The following THOC5 variants were observed in gnomAD, a reference collection of about 807,000 sequenced individuals.
THOC5 encodes the protein THO complex subunit 5.
A neutral mutation model predicts 92.9 loss-of-function variants in THOC5; 43 were observed. The ratio of observed to expected loss-of-function variants is 0.46; its 90% CI spans 0.36 to 0.60. The LOEUF (loss-of-function observed/expected upper bound fraction) is 0.60, where lower values mean the gene tolerates loss of function less well. THOC5 is among the 20% of genes least tolerant of loss of function. The probability of loss-of-function intolerance (pLI) is 0.00; values close to 1 mark genes in which losing one functional copy is unlikely to be tolerated. For missense variants in THOC5, 659 were observed against 849.4 expected, an observed-to-expected ratio of 0.78 and a Z score of 2.79; for synonymous variants, 296 against 320.1, an observed-to-expected ratio of 0.92 and a Z score of 0.80.
At chr22:29,543,946 A>C (rs2063957184) in intron 3 of THOC5, among the ~76,000 whole-genome samples, 1 of 152,220 alleles carries the variant, frequency 6.6e-6, no homozygotes, top group South Asian at 2.1e-4. Context: ...GATTGAATGC[A>C]ATAATTCTAA....
At chr22:29,513,893 C>T (rs1335160547) in intron 17 of THOC5, 1 of 151,868 alleles carries the variant, frequency 6.6e-6, no homozygotes, top group Admixed American at 6.6e-5. Context: ...TTCTCTGCTG[C>T]TGTATTGCTT....
rs1230185078 is a variant in THOC5 at position 29,552,438 on chromosome 22, C to T, written c.-12+1233G>A. 4.6e-5 allele frequency among the ~76,000 whole-genome samples: 7 copies of T among 151,672 alleles called. No homozygotes were observed. The East Asian group carries it at 7.8e-4, about 17-fold the overall frequency. On this transcript the variant is annotated intron_variant, in intron 1 of 19. Coordinates refer to ENST00000490103, the MANE Select transcript of THOC5 (RefSeq NM_003678.5). ...GAGGAGCACCTCTGCCCGGCTGCGA[C>T]CCCGTCTGGGAGGTGAGGAGCGTCT...
Position 29,526,012 on chromosome 22 carries a change from A to T in THOC5, c.1067-66T>A, listed in dbSNP as rs370422377. On this transcript the variant is annotated intron_variant, in intron 11 of 19. Transcript: ENST00000490103. ...CTCAGAGCAGAGTGAACAGAGTCAT[A>T]GGGGGTAGTAAGGTGGGGGGGTCAA... 1.5e-4 allele frequency: 126 copies of T among 862,672 alleles called. No homozygotes were observed. The African/African-American group carries it at 2.1e-3, about 14-fold the overall frequency. The allele number at this position is 862,672 out of a possible 1,614,324, so 53.4% of individuals were successfully genotyped here. A position where few individuals can be genotyped will look rare whatever the true frequency, so the allele number is the denominator to read the frequency against.
intron 14 of THOC5, among the ~76,000 whole-genome samples, 196 bp from the exon 15 acceptor site, chr22:29,519,316 G>T (rs1186393365): frequency 6.6e-6 from 1 of 152,198 alleles, no homozygotes; most frequent in East Asian, 1.9e-4. Flanking sequence ...ACAATATGCT[G>T]CGTTCTTGAG....
In THOC5 at chr22:29,547,365, C is replaced by CT. The variant is rs201993846; in HGVS notation, c.96+1686dup. ...ACCTTATTGTTCATATCATTATCAA[C>CT]TTTTTTTTTTTTCTTTGAGATGGAG... On this transcript the variant is annotated intron_variant, in intron 2 of 19. Coordinates refer to ENST00000490103, the MANE Select transcript of THOC5 (RefSeq NM_003678.5). 6.6e-3 allele frequency among the ~76,000 whole-genome samples: 974 copies of CT among 147,260 alleles called. 17 individuals are homozygous for CT. Among genetic ancestry groups the CT allele is most frequent in the East Asian group, 0.063 (321 of 5,058 alleles).
intron 2 of THOC5, among the ~76,000 whole-genome samples, chr22:29,548,401 C>G (rs1005631001): frequency 6.6e-6 from 1 of 151,938 alleles, no homozygotes; most frequent in African/African-American, 2.4e-5. Flanking sequence ...ACAAAAAATA[C>G]AAAATTAGCT....
At chr22:29,533,056 A>G (rs533537654) in intron 7 of THOC5, among the ~76,000 whole-genome samples, 1 of 152,354 alleles carries the variant, frequency 6.6e-6, no homozygotes, top group Non-Finnish European at 1.5e-5. Context: ...AAAGTCTAAA[A>G]TAAGTGGATA....
In THOC5 at chr22:29,543,509, A is replaced by T. The variant is rs750937181; in HGVS notation, c.274T>A (p.Cys92Ser). Residue 92 changes from cysteine (C) to serine (S), a missense_variant, in exon 4 of 20, where the codon TGT (cysteine) becomes AGT (serine). Coordinates refer to ENST00000490103, the MANE Select transcript of THOC5 (RefSeq NM_003678.5). Reference protein sequence around the residue: ...IEIEERRIQSCVHFMTLKKLN... With the variant: ...IEIEERRIQSSVHFMTLKKLN... Reference sequence around the variant, plus strand: ...TTCTTTAGAGTCATGAAATGCACACAGCTCTGGATCCTCCGTTCTTCTATT... The same window carrying T: ...TTCTTTAGAGTCATGAAATGCACACTGCTCTGGATCCTCCGTTCTTCTATT... The T allele has an allele frequency of 6.2e-7, 1 of 1,614,086 alleles. No homozygotes were observed. The highest frequency in any genetic ancestry group is 1.1e-5 in the South Asian group (1 of 91,064).
intron 11 of THOC5, among the ~76,000 whole-genome samples, chr22:29,526,480 A>C (rs1296672768): frequency 2.6e-5 from 4 of 151,934 alleles, no homozygotes; most frequent in East Asian, 1.9e-4. Context: ...TGCAGTGAGC[A>C]GAGATCACGC....
In THOC5 at chr22:29,519,124, T is replaced by G; in HGVS notation, c.1375-4A>C. 1.3e-6 allele frequency: 2 copies of G among 1,591,396 alleles called. No homozygotes were observed. Among genetic ancestry groups the G allele is most frequent in the East Asian group, 2.2e-5 (1 of 44,496 alleles). ...AGTGGTCAGCAATCACTGTTTGCTG[T>G]GAGTGACAATGAGACACATACACGT... On this transcript the variant is annotated splice_region_variant and splice_polypyrimidine_tract_variant and intron_variant, in intron 14 of 19. Coordinates refer to ENST00000490103, the MANE Select transcript of THOC5 (RefSeq NM_003678.5).
intron 1 of THOC5, among the ~76,000 whole-genome samples, chr22:29,552,237 C>T (rs1360054426): frequency 4.0e-5 from 6 of 151,226 alleles, no homozygotes; most frequent in Middle Eastern, 3.2e-3. Context: ...CGTCTCTGCC[C>T]GGCTGCCCAT....
In THOC5 at chr22:29,507,786, T is replaced by C. The variant is rs946602895; in HGVS notation, c.*671A>G. The stretch of plus-strand genomic sequence containing the variant: ...TATGTTAGCAGTAAGTAACTACTAA[T>C]AGCATACTACTGGTCAACAGCAGGC... On this transcript the variant is annotated 3_prime_UTR_variant, in exon 20 of 20. Transcript: ENST00000490103. The C allele has an allele frequency of 3.9e-5, 6 of 152,588 alleles. No individual in the cohort carries two copies. The highest frequency in any genetic ancestry group is 1.2e-4 in the African/African-American group (5 of 41,472). 9.5% of individuals were successfully genotyped at this position (152,588 alleles called of 1,614,324 possible).
intron 12 of THOC5, among the ~76,000 whole-genome samples, chr22:29,521,548 T>C (rs1414018566): frequency 6.6e-6 from 1 of 152,186 alleles, no homozygotes; most frequent in Non-Finnish European, 1.5e-5. Flanking sequence ...GACTCCTTTC[T>C]GCTACAGAGA....
intron 7 of THOC5, chr22:29,534,915 C>A (rs781037127): frequency 1.4e-5 from 2 of 144,358 alleles, no homozygotes; most frequent in Non-Finnish European, 3.0e-5. Context: ...GCCAAGATTG[C>A]GCCACTGCAC....
intron 9 of THOC5, chr22:29,528,940 C>T: frequency 1.8e-6 from 1 of 571,228 alleles, no homozygotes; most frequent in Non-Finnish European, 3.1e-6. Context: ...TAAATACCTT[C>T]CTCGGGGTCA....
At chr22:29,541,905 T>A (rs958698135) in intron 5 of THOC5, among the ~76,000 whole-genome samples, 39 of 76,560 alleles carry the variant, frequency 5.1e-4, no homozygotes, top group Non-Finnish European at 7.6e-4. Flanking sequence ...TATATATATA[T>A]ATATATATAT....
intron 8 of THOC5, chr22:29,531,471 C>G: frequency 9.7e-7 from 1 of 1,032,022 alleles, no homozygotes; most frequent in Non-Finnish European, 1.2e-6. Flanking sequence ...CTGTATTCAC[C>G]AGGCACCCCC....
intron 15 of THOC5, 52 bp downstream of exon 15, chr22:29,518,954 G>T: frequency 2.1e-5 from 24 of 1,129,038 alleles, no homozygotes; most frequent in Non-Finnish European, 3.1e-5. Flanking sequence ...AGTTGTTGTT[G>T]TCCGTGTGTT....
chr22:29,543,632 G>T, intron 3 of THOC5, 90 bp from the exon 4 acceptor site: 1 of 823,168 alleles, frequency 1.2e-6, no homozygotes, highest in Non-Finnish European at 1.9e-6. Context: ...CTCATCTGGG[G>T]CCAAAAACGG....
Sources: gnomAD v4.1 joint callset for allele counts (sites outside exome capture counted in the v4.1 genomes callset) on GRCh38, gnomAD v4.1.1 for gene constraint, MANE v1.5 for transcripts, NCBI Gene and HGNC (gene_info 2026-07-23, HGNC 2026-07-21) for gene names.